DUS1L: variants seen among roughly 807,000 people sequenced by gnomAD.
DUS1L encodes the protein dihydrouridine synthase 1 like.
Under a neutral mutation model 61.2 loss-of-function variants are expected in DUS1L, and 56 were observed. The ratio of observed to expected loss-of-function variants is 0.92; its 90% CI spans 0.74 to 1.14. The LOEUF is 1.14. Among genes scored for constraint, DUS1L ranks in the 50% most tolerant of loss-of-function variants. The pLI, the probability that DUS1L is intolerant of heterozygous loss-of-function variation, is 0.00. For missense variants in DUS1L, 630 were observed against 632.4 expected (o/e 1.00, Z 0.04); for synonymous variants, 278 against 259.5 (o/e 1.07, Z -0.69).
At chr17:82,062,381 AT>A (rs2033551220) in intron 5 of DUS1L, among the ~76,000 whole-genome samples, 1 of 152,186 alleles carries the variant, frequency 6.6e-6, no homozygotes, top group South Asian at 2.1e-4. Context: ...GTGCAAGCTC[AT>A]CCCCGGGTCA....
rs187977335 is a variant in DUS1L, at chr17:82,061,800, G to T, written c.594-79C>A. 1.7e-4 allele frequency: 277 copies of T among 1,594,528 alleles called. 2 individuals carry two copies. Among genetic ancestry groups the T allele is most frequent in the East Asian group, 8.8e-4 (39 of 44,500 alleles). Reference sequence around the variant, plus strand: ...GCTGCCCCCAGCCACGGCCCCCTGGGTGGTCACGGGCGTCAGGCGTGCCGA... The same window carrying T: ...GCTGCCCCCAGCCACGGCCCCCTGGTTGGTCACGGGCGTCAGGCGTGCCGA... On this transcript the variant is annotated intron_variant, in intron 6 of 13. Coordinates refer to ENST00000306796, the MANE Select transcript of DUS1L (RefSeq NM_022156.5).
At position 82,058,886 on chromosome 17, in the gene DUS1L, T is replaced by C; in HGVS notation, c.1169-68A>G. The C allele has an allele frequency of 9.1e-6, 13 of 1,428,136 alleles. No homozygotes were observed. The South Asian group carries it at 1.4e-4, about 15-fold the overall frequency. 88.5% of individuals were successfully genotyped at this position (1,428,136 alleles called of 1,614,324 possible). A position where few individuals can be genotyped will look rare whatever the true frequency, so the allele number is the denominator to read the frequency against. ...TGCCCTGGCTGTGGGGGCTGCCCCG[T>C]CCGCCTGCACGGAGCCTGCTGATGG... On this transcript the variant is annotated intron_variant, in intron 11 of 13. Transcript: ENST00000306796.
At chr17:82,063,916 G>A (rs1367342571) in intron 3 of DUS1L, among the ~76,000 whole-genome samples, 1 of 152,224 alleles carries the variant, frequency 6.6e-6, no homozygotes, top group Non-Finnish European at 1.5e-5. Flanking sequence ...CCTGAGGGAA[G>A]AGAGAGCCAG....
intron 7 of DUS1L, 59 bp downstream of exon 7, chr17:82,061,559 G>A: frequency 6.4e-7 from 1 of 1,551,844 alleles, no homozygotes; most frequent in Non-Finnish European, 8.8e-7. Context: ...GCACCGACCT[G>A]GGCGGTGGTA....
rs766491905 is a variant in DUS1L at position 82,058,680 on chromosome 17, A to G, written c.1206+101T>C. ...CCACCTTGAGCCACGTTGCAAACCCAGCTGGGCGGGCACCAGACCTGCCAC... is the reference window on the plus strand; with the variant it reads ...CCACCTTGAGCCACGTTGCAAACCCGGCTGGGCGGGCACCAGACCTGCCAC... On this transcript the variant is annotated intron_variant, in intron 12 of 13. Transcript: ENST00000306796. 3.8e-6 allele frequency: 6 copies of G among 1,578,670 alleles called. No individual in the cohort carries two copies. In the Admixed American group the frequency reaches 5.2e-5, roughly 14 times the overall value.
Position 82,058,364 on chromosome 17 carries a change from G to A in DUS1L, c.1259C>T (p.Ser420Phe). ...ACCTGGGCAGTCTGCAGTCTCTTTG[G>A]AGGCTCGCTTCTTGCAGCAGCCGCG... ...LCRGCCKKRA[S>F]KETADCPGHG... The change falls in exon 13 of 14, where the codon TCC (serine) becomes TTC (phenylalanine). Residue 420 changes from serine to phenylalanine, a missense_variant. Transcript: ENST00000306796. The A allele has an allele frequency of 6.7e-7, 1 of 1,493,464 alleles. No individual in the cohort carries two copies. The allele number at this position is 1,493,464 out of a possible 1,614,324, so 92.5% of individuals were successfully genotyped here.
At chr17:82,061,554 G>A (rs762590315) in intron 7 of DUS1L, 64 bp downstream of exon 7, 53 of 1,540,014 alleles carry the variant, frequency 3.4e-5, no homozygotes, top group Non-Finnish European at 4.2e-5. Flanking sequence ...GGGAGGCACC[G>A]ACCTGGGCGG....
At chr17:82,058,680 A>T (rs766491905) in intron 12 of DUS1L, 101 bp downstream of exon 12, 1 of 1,578,788 alleles carries the variant, frequency 6.3e-7, no homozygotes, top group African/African-American at 1.3e-5. Flanking sequence ...TTGCAAACCC[A>T]GCTGGGCGGG....
intron 4 of DUS1L, 116 bp downstream of exon 4, chr17:82,063,352 T>C (rs886951663): frequency 1.7e-5 from 24 of 1,412,124 alleles, no homozygotes; most frequent in Non-Finnish European, 2.2e-5. Flanking sequence ...CCCAGGGTGA[T>C]GCTGAGAACT....
At position 82,060,906 on chromosome 17, in the gene DUS1L, C is replaced by T; in HGVS notation, c.898G>A (p.Gly300Ser). Residue 300 changes from glycine (G) to serine (S), a missense_variant, in exon 9 of 14, where the codon GGC (glycine) becomes AGC (serine). Gly to Ser is a moderately conservative substitution (Grantham distance 56, BLOSUM62 0). Coordinates refer to ENST00000306796, the MANE Select transcript of DUS1L (RefSeq NM_022156.5). ...AGCTCCTGGCTCACAGCAGCGATGCCCTCCAGGGTCTTCACCTTGGCCAGC... is the reference window on the plus strand; with the variant it reads ...AGCTCCTGGCTCACAGCAGCGATGCTCTCCAGGGTCTTCACCTTGGCCAGC... ...EELAKVKTLEGIAAVSQELKL... is the reference protein window; with the variant it reads ...EELAKVKTLESIAAVSQELKL... 4.3e-6 allele frequency: 7 copies of T among 1,611,584 alleles called. No homozygotes were observed. The highest frequency in any genetic ancestry group is 1.3e-5 in the African/African-American group (1 of 75,064).
intron 4 of DUS1L, 164 bp from the exon 5 acceptor site, chr17:82,063,137 C>A: frequency 3.0e-6 from 2 of 667,880 alleles, no homozygotes; most frequent in Middle Eastern, 3.7e-4. Context: ...GGTTGCTGGG[C>A]AGGCTCCCTC....
chr17:82,060,222 C>T, intron 10 of DUS1L, 129 bp from the exon 11 acceptor site: 1 of 1,245,864 alleles, frequency 8.0e-7, no homozygotes, highest in Non-Finnish European at 1.1e-6. Context: ...GAGGAGTGCC[C>T]TCCTTTCCCT....
At chr17:82,058,473 G>T (rs748623442) in intron 12 of DUS1L, 57 bp from the exon 13 acceptor site, 62 of 1,475,930 alleles carry the variant, frequency 4.2e-5, no homozygotes, top group Non-Finnish European at 5.4e-5. Context: ...GGCCAGGCTG[G>T]CCAGCAGGGG....
chr17:82,060,579 C>G, intron 10 of DUS1L, 122 bp downstream of exon 10: 1 of 1,298,582 alleles, frequency 7.7e-7, no homozygotes, highest in African/African-American at 1.5e-5. Flanking sequence ...CCTCCTTTCC[C>G]TTGGGCAGGA....
chr17:82,057,627 A>T lies in DUS1L; in HGVS notation c.*488T>A, dbSNP rs1029741747. 8.0e-6 allele frequency: 2 copies of T among 250,758 alleles called. No individual in the cohort carries two copies. The highest frequency in any genetic ancestry group is 1.6e-5 in the Non-Finnish European group (2 of 124,494). 15.5% of individuals were successfully genotyped at this position (250,758 alleles called of 1,614,324 possible). A position where few individuals can be genotyped will look rare whatever the true frequency, so the allele number is the denominator to read the frequency against. The stretch of plus-strand genomic sequence containing the variant: ...GATTCAACAGCCCCCAGCAGCAGCC[A>T]CTGTGGCCTCGCAGGCGGTGCTTCC... On this transcript the variant is annotated 3_prime_UTR_variant, in exon 14 of 14. Transcript: ENST00000306796.
Position 82,058,052 on chromosome 17 carries a change from A to G in DUS1L, c.*63T>C. On this transcript the variant is annotated 3_prime_UTR_variant, in exon 14 of 14. Coordinates refer to ENST00000306796, the MANE Select transcript of DUS1L (RefSeq NM_022156.5). ...GCAGGAGATTCCCTGAGTAAAAGGCATTTTCTTAAGTAGGACGTGTCCAGG... is the reference window on the plus strand; with the variant it reads ...GCAGGAGATTCCCTGAGTAAAAGGCGTTTTCTTAAGTAGGACGTGTCCAGG... The G allele has an allele frequency of 1.0e-5, 15 of 1,454,936 alleles. No individual in the cohort carries two copies. The highest frequency in any genetic ancestry group is 1.4e-5 in the Non-Finnish European group (15 of 1,102,192). The allele number at this position is 1,454,936 out of a possible 1,614,324, so 90.1% of individuals were successfully genotyped here.
At position 82,060,824 on chromosome 17, in the gene DUS1L, AC is replaced by A. The variant is rs759480211; in HGVS notation, c.939+40del. On this transcript the variant is annotated intron_variant, in intron 9 of 13. Coordinates refer to ENST00000306796, the MANE Select transcript of DUS1L (RefSeq NM_022156.5). Reference sequence around the variant, plus strand: ...GCCCTGGTCATGGCCCCAGCCCCTCACCCCCTGCAAGGCCGGGCTCCCACCA... The same window carrying A: ...GCCCTGGTCATGGCCCCAGCCCCTCACCCCTGCAAGGCCGGGCTCCCACCA... 9 of 1,610,702 alleles carry A rather than the reference AC, an allele frequency of 5.6e-6. No homozygotes were observed. The East Asian group carries it at 6.7e-5, about 12-fold the overall frequency.
chr17:82,058,472 G>A (rs2033195714), intron 12 of DUS1L, 56 bp from the exon 13 acceptor site: 4 of 1,475,796 alleles, frequency 2.7e-6, no homozygotes, highest in Non-Finnish European at 3.6e-6. Context: ...GGGCCAGGCT[G>A]GCCAGCAGGG....
At chr17:82,062,528 G>A (rs555661768) in intron 5 of DUS1L, among the ~76,000 whole-genome samples, 1 of 152,336 alleles carries the variant, frequency 6.6e-6, no homozygotes, top group African/African-American at 2.4e-5. Context: ...CTGACAGCCT[G>A]GTGGCCCCTT....
Sources: allele counts gnomAD v4.1 joint callset (sites outside exome capture counted in the v4.1 genomes callset), GRCh38; gene constraint gnomAD v4.1.1; transcripts MANE v1.5; gene names NCBI Gene and HGNC (gene_info 2026-07-23, HGNC 2026-07-21).